Variants in DLGAP1 observed in about 807,000 individuals in gnomAD.
DLGAP1 encodes DLG associated protein 1, also known as disks large-associated protein 1.
DLGAP1 carries 11 observed loss-of-function variants against 90.8 expected under a neutral mutation model. The observed-to-expected ratio is 0.12, with a 90% CI of 0.08 to 0.20. The LOEUF (loss-of-function observed/expected upper bound fraction) is 0.20. Ranked by LOEUF, DLGAP1 falls within the 10% of genes least tolerant of loss-of-function variation. The pLI is 1.00. For missense variants in DLGAP1, 1,050 were observed against 1,333.8 expected (o/e 0.79, Z 3.31); for synonymous variants, 558 against 540.7 (o/e 1.03, Z -0.44).
At chr18:4,297,991 C>T (rs1056721668) in intron 1 of DLGAP1, among the ~76,000 whole-genome samples, 1 of 152,154 alleles carries the variant, frequency 6.6e-6, no homozygotes, top group Non-Finnish European at 1.5e-5. Context: ...TGCTGCTTTT[C>T]TGTGAGTCAT....
intron 1 of DLGAP1, among the ~76,000 whole-genome samples, chr18:4,369,642 G>C (rs1402726683): frequency 6.6e-6 from 1 of 151,846 alleles, no homozygotes; most frequent in Non-Finnish European, 1.5e-5. Flanking sequence ...GTGTTTGACA[G>C]ACAGATGGGC....
chr18:4,421,171 C>T (rs1418993020), intron 1 of DLGAP1, among the ~76,000 whole-genome samples: 1 of 152,136 alleles, frequency 6.6e-6, no homozygotes, highest in Non-Finnish European at 1.5e-5. Context: ...AACCATGCTC[C>T]CTCAGAAGGC....
chr18:3,665,950 G>A (rs1426774822), intron 7 of DLGAP1, among the ~76,000 whole-genome samples: 1 of 152,184 alleles, frequency 6.6e-6, no homozygotes, highest in Non-Finnish European at 1.5e-5. Context: ...GAGGTTAAGG[G>A]AGGGCAGACA....
intron 1 of DLGAP1, among the ~76,000 whole-genome samples, chr18:4,356,373 A>G (rs567207410): frequency 6.6e-6 from 1 of 152,242 alleles, no homozygotes; most frequent in South Asian, 2.1e-4. Flanking sequence ...AAATCTCTAC[A>G]TAGATTACCA....
intron 4 of DLGAP1, among the ~76,000 whole-genome samples, chr18:3,864,910 T>G (rs1391262385): frequency 2.0e-5 from 3 of 152,038 alleles, no homozygotes; most frequent in Non-Finnish European, 4.4e-5. Context: ...ACATATCTTT[T>G]CCTTCAAACC....
chr18:4,004,939 TGTGC>T (rs369715085), intron 3 of DLGAP1, 173 bp downstream of exon 3: 27,898 of 123,446 alleles, frequency 0.23, 3,610 homozygotes, highest in African/African-American at 0.42. Context: ...TGTGTGTGTG[TGTGC>T]GCGCGTGTGT....
intron 2 of DLGAP1, among the ~76,000 whole-genome samples, chr18:4,109,174 G>T (rs2075925445): frequency 6.6e-6 from 1 of 151,958 alleles, no homozygotes; most frequent in Non-Finnish European, 1.5e-5. Context: ...TGGCACTCGG[G>T]GTGTCCTTTG....
chr18:3,697,631 G>C (rs377709345), intron 7 of DLGAP1, among the ~76,000 whole-genome samples: 5 of 152,132 alleles, frequency 3.3e-5, no homozygotes, highest in African/African-American at 4.8e-5. Flanking sequence ...TAGAATAAGT[G>C]TGATGTGTTG....
chr18:3,740,787 C>T (rs571570193), intron 6 of DLGAP1, among the ~76,000 whole-genome samples: 11 of 150,756 alleles, frequency 7.3e-5, no homozygotes, highest in Admixed American at 6.6e-4. Flanking sequence ...ACAATCACAA[C>T]CACCATCATA....
chr18:4,414,755 T>C (rs913251846), intron 1 of DLGAP1, among the ~76,000 whole-genome samples: 2 of 151,804 alleles, frequency 1.3e-5, no homozygotes, highest in South Asian at 2.1e-4. Context: ...ATAAGTAATG[T>C]AGTAATATAG....
intron 1 of DLGAP1, among the ~76,000 whole-genome samples, chr18:4,328,155 T>C (rs572676681): frequency 6.6e-5 from 10 of 151,958 alleles, no homozygotes; most frequent in African/African-American, 1.5e-4. Flanking sequence ...CAATCACCTA[T>C]TGAGTTACTC....
intron 1 of DLGAP1, among the ~76,000 whole-genome samples, chr18:4,302,644 G>A (rs148259459): frequency 5.9e-5 from 9 of 152,118 alleles, no homozygotes; most frequent in Admixed American, 4.6e-4. Context: ...TTTGAATTAG[G>A]TAGTGTGATA....
At chr18:4,350,113 T>G (rs957352545) in intron 1 of DLGAP1, among the ~76,000 whole-genome samples, 3 of 152,170 alleles carry the variant, frequency 2.0e-5, no homozygotes, top group Non-Finnish European at 2.9e-5. Flanking sequence ...TCTTCTTCAA[T>G]GCCTCTGCTG....
At chr18:3,783,513 T>C (rs2065301287) in intron 5 of DLGAP1, among the ~76,000 whole-genome samples, 1 of 152,184 alleles carries the variant, frequency 6.6e-6, no homozygotes, top group South Asian at 2.1e-4. Context: ...GGATTAACCT[T>C]GAAAACATTA....
intron 1 of DLGAP1, among the ~76,000 whole-genome samples, chr18:4,440,144 ATAG>A (rs2083499284): frequency 2.9e-5 from 4 of 138,472 alleles, no homozygotes; most frequent in South Asian, 2.2e-4. Context: ...AAAAAAAAAA[ATAG>A]AGAGAGAGAA....
At chr18:3,777,741 C>T (rs2065001923) in intron 5 of DLGAP1, among the ~76,000 whole-genome samples, 2 of 152,106 alleles carry the variant, frequency 1.3e-5, no homozygotes, top group Non-Finnish European at 2.9e-5. Flanking sequence ...GTCAGCAAGA[C>T]AAGAAAAATG....
Position 3,741,159 on chromosome 18 carries a change from CCATCACCACCA to C in DLGAP1, c.1350+1165_1350+1175del, listed in dbSNP as rs1259475165. 3.0e-3 allele frequency among the ~76,000 whole-genome samples: 333 copies of C among 111,406 alleles called. 3 individuals are homozygous for C. Among genetic ancestry groups the C allele is most frequent in the Non-Finnish European group, 4.6e-3 (246 of 53,686 alleles). 73.1% of individuals were successfully genotyped at this position (111,406 alleles called of 152,430 possible). A position where few individuals can be genotyped will look rare whatever the true frequency, so the allele number is the denominator to read the frequency against. ...CACATCACCATCACCATCACCACCA[CCATCACCACCA>C]CATCACCACCACCACCACCACCACC... On this transcript the variant is annotated intron_variant, in intron 6 of 12. Transcript: ENST00000315677.
chr18:3,716,955 G>T (rs2061782271), intron 7 of DLGAP1, among the ~76,000 whole-genome samples: 1 of 151,552 alleles, frequency 6.6e-6, no homozygotes, highest in South Asian at 2.1e-4. Context: ...ATAGAGAGGT[G>T]CCGTCTCTAT....
intron 4 of DLGAP1, among the ~76,000 whole-genome samples, chr18:3,847,166 T>C (rs2069066256): frequency 6.6e-6 from 1 of 152,190 alleles, no homozygotes; most frequent in South Asian, 2.1e-4. Context: ...CAGGATAGCA[T>C]TGGCCTAAGA....
Sources: gnomAD v4.1 joint callset for allele counts (sites outside exome capture counted in the v4.1 genomes callset) on GRCh38, gnomAD v4.1.1 for gene constraint, MANE v1.5 for transcripts, NCBI Gene and HGNC (gene_info 2026-07-23, HGNC 2026-07-21) for gene names.